Variants in NAV2 observed in about 807,000 individuals in gnomAD.
NAV2 encodes helicase, APC down-regulated 1.
NAV2 carries 54 observed loss-of-function variants against 223.2 expected under a neutral mutation model. The observed-to-expected ratio is 0.24, with a 90% CI of 0.19 to 0.30. The LOEUF (loss-of-function observed/expected upper bound fraction) is 0.30. Ranked by LOEUF, NAV2 falls within the 10% of genes least tolerant of loss-of-function variation. NAV2 has a pLI of 1.00. For synonymous variants in NAV2, 1,279 were observed against 1,239.3 expected (o/e 1.03, Z -0.67); for missense variants, 2,806 against 3,147.5 (o/e 0.89, Z 2.60).
upstream of NAV2, among the ~76,000 whole-genome samples, chr11:19,350,258 A>G (rs1332753379): frequency 6.6e-6 from 1 of 152,192 alleles, no homozygotes; most frequent in Non-Finnish European, 1.5e-5. Context: ...GAAAACGATC[A>G]TCGGCTGCTG....
In NAV2 at chr11:19,424,913, T is replaced by C. The variant is rs1044853960; in HGVS notation, c.75+73886T>C. Among the ~76,000 whole-genome samples, 60 of 152,166 alleles carry C rather than the reference T, an allele frequency of 3.9e-4. 1 individual carries two copies. The highest frequency in any genetic ancestry group is 1.4e-3 in the African/African-American group (58 of 41,438). ...TTTAAAAATAAAAATATTTAAAGTA[T>C]TTAGGTTAAATTGGAGTAATTTTGC... On this transcript the variant is annotated intron_variant, in intron 1 of 37. Coordinates refer to the NAV2 transcript ENST00000360655.
At position 19,705,005 on chromosome 11, in the gene NAV2, C is replaced by T. The variant is rs141351629; in HGVS notation, c.76-127479C>T. Among the ~76,000 whole-genome samples the T allele has an allele frequency of 3.6e-3, 472 of 131,268 alleles. 1 individual carries two copies. Among genetic ancestry groups the T allele is most frequent in the African/African-American group, 0.013 (454 of 33,764 alleles). 86.1% of individuals were successfully genotyped at this position (131,268 alleles called of 152,430 possible). A position where few individuals can be genotyped will look rare whatever the true frequency, so the allele number is the denominator to read the frequency against. ...CAGCCTGGGCGACAGAGTGAGACTC[C>T]GTCTCAAAAAAAAAAAAAAAAAAGA... On this transcript the variant is annotated intron_variant, in intron 1 of 37. Coordinates refer to the NAV2 transcript ENST00000360655.
At chr11:19,616,967 A>G (rs192375539) in intron 1 of NAV2, among the ~76,000 whole-genome samples, 1 of 152,160 alleles carries the variant, frequency 6.6e-6, no homozygotes, top group East Asian at 1.9e-4. Context: ...TCTGAGCCGC[A>G]GTCTCCTCAT....
At chr11:20,091,463 AC>A (rs1486192054) in intron 27 of NAV2, among the ~76,000 whole-genome samples, 9 of 151,912 alleles carry the variant, frequency 5.9e-5, no homozygotes, top group Non-Finnish European at 1.3e-4. Flanking sequence ...TCCAAGTTAG[AC>A]CCTTCCCTTA....
At chr11:19,613,080 G>T (rs1346831611) in intron 1 of NAV2, among the ~76,000 whole-genome samples, 1 of 152,168 alleles carries the variant, frequency 6.6e-6, no homozygotes, top group Non-Finnish European at 1.5e-5. Context: ...AAACCCATCA[G>T]ATCTCGTGAG....
intron 1 of NAV2, among the ~76,000 whole-genome samples, chr11:19,696,828 G>T (rs2049356694): frequency 6.6e-6 from 1 of 152,144 alleles, no homozygotes; most frequent in Admixed American, 6.5e-5. Flanking sequence ...TTGATTCAGT[G>T]GTTCCTAACC....
intron 20 of NAV2, among the ~76,000 whole-genome samples, chr11:20,066,138 G>A (rs144118326): frequency 5.3e-4 from 81 of 152,334 alleles, no homozygotes; most frequent in African/African-American, 1.8e-3. Flanking sequence ...ACAGTCTCTG[G>A]CACATGGTAA....
chr11:19,586,819 G>T (rs1341652636), intron 1 of NAV2, among the ~76,000 whole-genome samples: 1 of 152,228 alleles, frequency 6.6e-6, no homozygotes, highest in Non-Finnish European at 1.5e-5. Flanking sequence ...AGGCTACTTG[G>T]GGGTCAGGGA....
intron 37 of NAV2, among the ~76,000 whole-genome samples, chr11:20,116,722 T>A (rs1470266399): frequency 6.6e-6 from 1 of 152,228 alleles, no homozygotes; most frequent in African/African-American, 2.4e-5. Flanking sequence ...CCCCCAGAAG[T>A]GAGCTGTGCC....
chr11:19,675,815 A>G (rs1210770643), intron 1 of NAV2, among the ~76,000 whole-genome samples: 1 of 152,210 alleles, frequency 6.6e-6, no homozygotes, highest in African/African-American at 2.4e-5. Context: ...TTGTACAGCA[A>G]TTGGTAATTC....
chr11:19,474,699 A>G (rs1422441988), intron 1 of NAV2, among the ~76,000 whole-genome samples: 3 of 152,258 alleles, frequency 2.0e-5, no homozygotes, highest in Non-Finnish European at 4.4e-5. Context: ...TCTATATTAA[A>G]AAAGAAAAAT....
chr11:19,768,064 AG>A (rs1666546610), intron 1 of NAV2, among the ~76,000 whole-genome samples: 1 of 152,248 alleles, frequency 6.6e-6, no homozygotes, highest in South Asian at 2.1e-4. Context: ...GGAAACAGGG[AG>A]TGATGCCAGG....
chr11:19,907,114 AC>A (rs11337891), intron 6 of NAV2, among the ~76,000 whole-genome samples: 124,048 of 152,058 alleles, frequency 0.82, 50,780 homozygotes, highest in South Asian at 0.88. Flanking sequence ...GTGAGATGAA[AC>A]CATACAGAAA....
At chr11:19,730,824 T>C (rs1046219929) in intron 1 of NAV2, among the ~76,000 whole-genome samples, 1 of 152,138 alleles carries the variant, frequency 6.6e-6, no homozygotes, top group Non-Finnish European at 1.5e-5. Flanking sequence ...ATTGGATAAA[T>C]AACACCCCTT....
rs527824376 is a variant in NAV2, at chr11:19,962,330, A to G, written c.2645+13250A>G. ...TGATTTAACCGTCAGTCTCATCTAA[A>G]ATATTCCTTTGCAACAATATCTGGA... On this transcript the variant is annotated intron_variant, in intron 10 of 37. Transcript: ENST00000349880. 7.9e-4 allele frequency among the ~76,000 whole-genome samples: 120 copies of G among 152,166 alleles called. 1 individual carries two copies. The highest frequency in any genetic ancestry group is 2.8e-3 in the African/African-American group (118 of 41,554).
At position 19,777,054 on chromosome 11, in the gene NAV2, C is replaced by A. The variant is rs567573591; in HGVS notation, c.268-55430C>A. On this transcript the variant is annotated intron_variant, in intron 1 of 37. Transcript: ENST00000349880. ...GCGCCGGGTGCCACGCGGGGCGGCC[C>A]GCGGGCCAGCTAGGGGGCGGGGAAC... Among the ~76,000 whole-genome samples, 662 of 151,666 alleles carry A rather than the reference C, an allele frequency of 4.4e-3. 5 individuals are homozygous for A. Among genetic ancestry groups the A allele is most frequent in the Admixed American group, 0.012 (177 of 15,240 alleles).
At position 19,712,840 on chromosome 11, in the gene NAV2, C is replaced by T. The variant is rs1250440628; in HGVS notation, c.-856C>T. Among the ~76,000 whole-genome samples, 1 of 151,366 alleles carries T rather than the reference C, an allele frequency of 6.6e-6. No individual in the cohort carries two copies. The highest frequency in any genetic ancestry group is 2.4e-5 in the African/African-American group (1 of 41,332). On this transcript the variant is annotated 5_prime_UTR_variant, in exon 1 of 38. Coordinates refer to ENST00000349880, the MANE Select transcript of NAV2 (RefSeq NM_145117.5). ...GCAGCAGCGCCGGCAGCAGCCTGTC[C>T]TCCCCTGCGCTGAGCCCCGCAGCCA...
intron 11 of NAV2, among the ~76,000 whole-genome samples, chr11:19,984,915 C>T (rs2050639882): frequency 6.6e-6 from 1 of 152,206 alleles, no homozygotes; most frequent in Non-Finnish European, 1.5e-5. Context: ...GGAGTTTGGA[C>T]TATATGATTT....
intron 1 of NAV2, among the ~76,000 whole-genome samples, chr11:19,714,845 G>T (rs1253363295): frequency 6.6e-6 from 1 of 152,118 alleles, no homozygotes. Context: ...GGTCCTCCCC[G>T]CTCCATTTCC....
Sources: gnomAD v4.1 joint callset for allele counts (sites outside exome capture counted in the v4.1 genomes callset) on GRCh38, gnomAD v4.1.1 for gene constraint, MANE v1.5 for transcripts, NCBI Gene and HGNC (gene_info 2026-07-23, HGNC 2026-07-21) for gene names.